Variants in PLCH1 observed in about 807,000 individuals in gnomAD.
PLCH1 encodes 1-phosphatidylinositol 4,5-bisphosphate phosphodiesterase eta-1.
Under a neutral mutation model 126.7 loss-of-function variants are expected in PLCH1, and 60 were observed. The ratio of observed to expected loss-of-function variants is 0.47; its 90% confidence interval spans 0.38 to 0.59. The LOEUF is 0.59. PLCH1 is among the 20% of genes least tolerant of loss of function. The pLI, the probability that PLCH1 is intolerant of heterozygous loss-of-function variation, is 0.00. For synonymous variants in PLCH1, 719 were observed against 734.9 expected, an observed-to-expected ratio of 0.98 and a Z score of 0.35; for missense variants, 1,723 against 2,040.0, an observed-to-expected ratio of 0.84 and a Z score of 2.99.
At position 155,731,429 on chromosome 3, in the gene PLCH1, G is replaced by A. The variant is rs1056945628; in HGVS notation, c.-41+13411C>T. Reference sequence around the variant, plus strand: ...TCATGGACCCAATCAACAGGTCCACGCCAGTGGATCCAAGCTCCTGGCTCA... The same window carrying A: ...TCATGGACCCAATCAACAGGTCCACACCAGTGGATCCAAGCTCCTGGCTCA... On this transcript the variant is annotated intron_variant, in intron 1 of 22. Transcript: ENST00000460012. Among the ~76,000 whole-genome samples the A allele has an allele frequency of 3.5e-4, 53 of 152,086 alleles. 1 individual carries two copies. The highest frequency in any genetic ancestry group is 1.2e-3 in the African/African-American group (50 of 41,388).
intron 2 of PLCH1, among the ~76,000 whole-genome samples, chr3:155,615,142 T>C (rs1437673609): frequency 6.6e-6 from 1 of 152,034 alleles, no homozygotes; most frequent in Non-Finnish European, 1.5e-5. Flanking sequence ...AAGGCAATCC[T>C]CAAAAGAAGA....
intron 21 of PLCH1, chr3:155,486,182 T>A: frequency 6.5e-7 from 1 of 1,546,756 alleles, no homozygotes; most frequent in Non-Finnish European, 8.7e-7. Flanking sequence ...ATAGTATAAC[T>A]GGGGTTGAGT....
Position 155,628,961 on chromosome 3 carries a change from C to T in PLCH1, c.80-32583G>A, listed in dbSNP as rs74905960. On this transcript the variant is annotated intron_variant, in intron 2 of 22. Transcript: ENST00000460012. ...ATAATTGTCATTGCAACTCTGCCAA[C>T]TGCAAGCCCAATAAAGCAAAAGAAC... is the stretch of plus-strand genomic sequence containing the variant. Among the ~76,000 whole-genome samples the T allele has an allele frequency of 4.5e-3, 682 of 152,306 alleles. 6 individuals are homozygous for T. The highest frequency in any genetic ancestry group is 0.017 in the Middle Eastern group (5 of 294).
chr3:155,479,683 G>T (rs929780169), downstream of PLCH1, among the ~76,000 whole-genome samples: 3 of 152,020 alleles, frequency 2.0e-5, no homozygotes, highest in Non-Finnish European at 2.9e-5. Flanking sequence ...CATTACATTT[G>T]ATTTTCTTTC....
At chr3:155,731,460 GA>G (rs1748766642) in intron 1 of PLCH1, among the ~76,000 whole-genome samples, 1 of 152,148 alleles carries the variant, frequency 6.6e-6, no homozygotes, top group African/African-American at 2.4e-5. Context: ...GCTCAACCCT[GA>G]AGATTCAGAT....
chr3:155,664,542 A>G (rs2108955664), intron 2 of PLCH1, among the ~76,000 whole-genome samples: 1 of 152,348 alleles, frequency 6.6e-6, no homozygotes, highest in South Asian at 2.1e-4. Flanking sequence ...CAGCGTTAGA[A>G]AATATGTACA....
intron 1 of PLCH1, among the ~76,000 whole-genome samples, chr3:155,732,877 CA>C (rs71155063): frequency 0.026 from 2,123 of 80,134 alleles, 24 homozygotes; most frequent in African/African-American, 0.092. Flanking sequence ...GACTGCATCT[CA>C]AAAAAAAAAA....
chr3:155,461,240 T>C (rs766041638), intron 21 of PLCH1, among the ~76,000 whole-genome samples: 1 of 152,214 alleles, frequency 6.6e-6, no homozygotes, highest in Admixed American at 6.5e-5. Flanking sequence ...CCTGATAAGA[T>C]ACAGACATAT....
chr3:155,529,284 A>G (rs1021244428), intron 10 of PLCH1, among the ~76,000 whole-genome samples: 1 of 152,256 alleles, frequency 6.6e-6, no homozygotes, highest in Non-Finnish European at 1.5e-5. Context: ...GCACAGCCCC[A>G]GGAGAATGCA....
intron 1 of PLCH1, among the ~76,000 whole-genome samples, chr3:155,710,286 G>A (rs34798110): frequency 2.5e-4 from 38 of 152,120 alleles, no homozygotes; most frequent in Middle Eastern, 6.8e-3. Context: ...CACTGCACCC[G>A]GCCTAAGTTT....
intron 21 of PLCH1, among the ~76,000 whole-genome samples, chr3:155,462,086 A>G (rs1210904637): frequency 6.6e-6 from 1 of 152,248 alleles, no homozygotes; most frequent in Non-Finnish European, 1.5e-5. Context: ...ATTGTGTTCC[A>G]CTGAACTGGA....
chr3:155,606,149 T>C (rs1734326075), intron 2 of PLCH1, among the ~76,000 whole-genome samples: 1 of 152,230 alleles, frequency 6.6e-6, no homozygotes, highest in Admixed American at 6.5e-5. Flanking sequence ...TGCTTTTTTT[T>C]CTTCTTGAAT....
chr3:155,672,790 G>A (rs948948872), intron 2 of PLCH1, among the ~76,000 whole-genome samples: 2 of 152,188 alleles, frequency 1.3e-5, no homozygotes, highest in African/African-American at 4.8e-5. Context: ...CAGCAGTTAT[G>A]AATTCTACAG....
chr3:155,617,386 A>T (rs1330946949), intron 2 of PLCH1, among the ~76,000 whole-genome samples: 1 of 152,164 alleles, frequency 6.6e-6, no homozygotes, highest in East Asian at 1.9e-4. Flanking sequence ...GCAGAAAAGG[A>T]GTTAATTGCA....
At chr3:155,609,340 G>A (rs1229957833) in intron 2 of PLCH1, among the ~76,000 whole-genome samples, 1 of 152,178 alleles carries the variant, frequency 6.6e-6, no homozygotes, top group African/African-American at 2.4e-5. Flanking sequence ...CCTGGAGGAA[G>A]CAGGAGAACA....
intron 2 of PLCH1, among the ~76,000 whole-genome samples, chr3:155,679,957 G>T (rs1244493815): frequency 6.6e-6 from 1 of 152,228 alleles, no homozygotes; most frequent in African/African-American, 2.4e-5. Flanking sequence ...TGGAAACCAT[G>T]TCTAAAGTTT....
chr3:155,457,914 A>G (rs1712492934), intron 21 of PLCH1, among the ~76,000 whole-genome samples: 1 of 152,194 alleles, frequency 6.6e-6, no homozygotes, highest in Non-Finnish European at 1.5e-5. Flanking sequence ...CATGGCTATT[A>G]CATCCAAACT....
At chr3:155,526,110 G>A (rs1235272433) in intron 10 of PLCH1, among the ~76,000 whole-genome samples, 1 of 152,094 alleles carries the variant, frequency 6.6e-6, no homozygotes, top group African/African-American at 2.4e-5. Flanking sequence ...AGGGTGGGAG[G>A]TGGAACAAAA....
intron 2 of PLCH1, among the ~76,000 whole-genome samples, chr3:155,677,749 A>G (rs139497684): frequency 7.7e-4 from 118 of 152,330 alleles, no homozygotes; most frequent in African/African-American, 2.7e-3. Context: ...GAAATTCTTT[A>G]CATCAACCCA....
Sources: allele counts gnomAD v4.1 joint callset (sites outside exome capture counted in the v4.1 genomes callset), GRCh38; gene constraint gnomAD v4.1.1; transcripts MANE v1.5; gene names NCBI Gene and HGNC (gene_info 2026-07-23, HGNC 2026-07-21).